Variants in GRM5 observed in about 807,000 individuals in gnomAD.
The protein encoded by GRM5 is metabotropic glutamate receptor 5.
A neutral mutation model predicts 83.1 loss-of-function variants in GRM5; 19 were observed. That is an observed-to-expected ratio of 0.23 (90% CI 0.16 to 0.34). The LOEUF is 0.34. Ranked by LOEUF, GRM5 falls within the 10% of genes least tolerant of loss-of-function variation. The pLI, the probability that GRM5 is intolerant of heterozygous loss-of-function variation, is 1.00. For synonymous variants in GRM5, 675 were observed against 633.6 expected (o/e 1.07, Z -0.98); for missense variants, 1,160 against 1,588.3 (o/e 0.73, Z 4.58).
chr11:88,909,603 T>C (rs565754995), intron 2 of GRM5, among the ~76,000 whole-genome samples: 26 of 151,740 alleles, frequency 1.7e-4, no homozygotes, highest in Non-Finnish European at 1.8e-4. Context: ...CTTGTTTCCG[T>C]GATGGCACTT....
At chr11:89,043,806 C>T (rs948422764) in intron 2 of GRM5, among the ~76,000 whole-genome samples, 22 of 152,014 alleles carry the variant, frequency 1.4e-4, no homozygotes, top group African/African-American at 3.1e-4. Flanking sequence ...CTGCATTGCA[C>T]GCTCTCACAT....
chr11:88,847,939 A>C (rs1944326405), intron 3 of GRM5, among the ~76,000 whole-genome samples: 1 of 152,232 alleles, frequency 6.6e-6, no homozygotes, highest in South Asian at 2.1e-4. Context: ...TGTACATGGG[A>C]TCAAAGAACA....
Position 88,945,557 on chromosome 11 carries a change from C to T in GRM5, c.662-95402G>A, listed in dbSNP as rs576687024. Among the ~76,000 whole-genome samples, 597 of 151,780 alleles carry T rather than the reference C, an allele frequency of 3.9e-3. 2 individuals are homozygous for T. Among genetic ancestry groups the T allele is most frequent in the South Asian group, 0.014 (66 of 4,830 alleles). Reference sequence around the variant, plus strand: ...GTACAAACACAGGGAGATAGACCAACGGAACAGAACTCAGAAATAAAGCTG... The same window carrying T: ...GTACAAACACAGGGAGATAGACCAATGGAACAGAACTCAGAAATAAAGCTG... On this transcript the variant is annotated intron_variant, in intron 2 of 9. Coordinates refer to ENST00000305447, the MANE Select transcript of GRM5 (RefSeq NM_001143831.3).
At chr11:88,935,407 C>T (rs1937859415) in intron 2 of GRM5, among the ~76,000 whole-genome samples, 1 of 151,816 alleles carries the variant, frequency 6.6e-6, no homozygotes, top group Non-Finnish European at 1.5e-5. Context: ...CAATTACTGA[C>T]TTCCTATTTT....
intron 2 of GRM5, among the ~76,000 whole-genome samples, chr11:88,946,264 A>G (rs2135672469): frequency 6.6e-6 from 1 of 152,240 alleles, no homozygotes; most frequent in East Asian, 1.9e-4. Flanking sequence ...GAGAAAAGGC[A>G]ATTATTATAT....
chr11:88,571,732 T>A (rs1352960753), intron 7 of GRM5, among the ~76,000 whole-genome samples: 3 of 152,186 alleles, frequency 2.0e-5, no homozygotes, highest in Admixed American at 2.0e-4. Context: ...CCTTATATGA[T>A]AACTCCAAGA....
intron 2 of GRM5, among the ~76,000 whole-genome samples, chr11:88,946,289 T>G (rs1437200165): frequency 6.6e-6 from 1 of 152,110 alleles, no homozygotes; most frequent in African/African-American, 2.4e-5. Context: ...TCGGTGAGAA[T>G]GGAAATTAGT....
chr11:88,773,723 T>G (rs955558223), intron 3 of GRM5, among the ~76,000 whole-genome samples: 4 of 152,172 alleles, frequency 2.6e-5, no homozygotes, highest in Admixed American at 1.3e-4. Context: ...TTTCCCCATT[T>G]CTTGTTTTTA....
At chr11:88,951,791 CAT>C (rs748667198) in intron 2 of GRM5, among the ~76,000 whole-genome samples, 1 of 152,134 alleles carries the variant, frequency 6.6e-6, no homozygotes, top group Non-Finnish European at 1.5e-5. Context: ...TAAATGTCAT[CAT>C]AGTTACTAAT....
At chr11:88,656,386 A>C (rs973607260) in intron 3 of GRM5, among the ~76,000 whole-genome samples, 9 of 152,142 alleles carry the variant, frequency 5.9e-5, no homozygotes, top group African/African-American at 2.2e-4. Context: ...CTGCATTTAC[A>C]AATTTAGCTA....
chr11:88,945,264 AC>A (rs1474884751), intron 2 of GRM5, among the ~76,000 whole-genome samples: 1 of 152,012 alleles, frequency 6.6e-6, no homozygotes, highest in Non-Finnish European at 1.5e-5. Context: ...AAATGAAAAA[AC>A]ATTTCATGTT....
chr11:89,015,147 C>T (rs1244673824), intron 2 of GRM5, among the ~76,000 whole-genome samples: 2 of 152,188 alleles, frequency 1.3e-5, no homozygotes, highest in Non-Finnish European at 2.9e-5. Flanking sequence ...CGTCACTTAG[C>T]CTGGTTGAAC....
At chr11:89,059,464 A>G (rs1466526218) in intron 1 of GRM5, among the ~76,000 whole-genome samples, 1 of 152,188 alleles carries the variant, frequency 6.6e-6, no homozygotes, top group Non-Finnish European at 1.5e-5. Context: ...AATTCAAAAA[A>G]ATTGATATAT....
At chr11:88,858,661 G>A (rs892356762) in intron 2 of GRM5, among the ~76,000 whole-genome samples, 25 of 152,036 alleles carry the variant, frequency 1.6e-4, no homozygotes, top group Middle Eastern at 6.8e-3. Context: ...CCTGAGCCCT[G>A]GAATCGAAAG....
intron 2 of GRM5, among the ~76,000 whole-genome samples, chr11:88,858,429 TTGCTGAGTGGTA>T: frequency 1.3e-5 from 2 of 152,168 alleles, no homozygotes; most frequent in African/African-American, 4.8e-5. Context: ...GCCAAGTGGT[TTGCTGAGTGGTA>T]TGCTGAGTTG....
At chr11:88,592,740 A>G (rs534358322) in intron 6 of GRM5, among the ~76,000 whole-genome samples, 34 of 152,300 alleles carry the variant, frequency 2.2e-4, no homozygotes, top group African/African-American at 7.9e-4. Flanking sequence ...TTTCACATCT[A>G]TTTTGAACAC....
At chr11:88,830,950 T>A (rs1454041560) in intron 3 of GRM5, among the ~76,000 whole-genome samples, 1 of 151,890 alleles carries the variant, frequency 6.6e-6, no homozygotes, top group Non-Finnish European at 1.5e-5. Flanking sequence ...AGTAACCAGA[T>A]CTCATGAGAC....
chr11:88,859,168 G>A (rs1355349009), intron 2 of GRM5, among the ~76,000 whole-genome samples: 1 of 151,962 alleles, frequency 6.6e-6, no homozygotes, highest in Admixed American at 6.6e-5. Context: ...AGATATATAG[G>A]AGTAGGCTTG....
At chr11:88,609,320 A>G (rs1468322401) in intron 4 of GRM5, among the ~76,000 whole-genome samples, 1 of 152,144 alleles carries the variant, frequency 6.6e-6, no homozygotes, top group African/African-American at 2.4e-5. Flanking sequence ...AGCAAAGGAC[A>G]TGATTTTGTT....
Sources: allele counts gnomAD v4.1 joint callset (sites outside exome capture counted in the v4.1 genomes callset), GRCh38; gene constraint gnomAD v4.1.1; transcripts MANE v1.5; gene names NCBI Gene and HGNC (gene_info 2026-07-23, HGNC 2026-07-21).